Variants in DEK observed in about 807,000 individuals in gnomAD.
The protein encoded by DEK is DEK proto-oncogene, also known as protein DEK.
A neutral mutation model predicts 46.8 loss-of-function variants in DEK; 28 were observed. The ratio of observed to expected loss-of-function variants is 0.60; its 90% CI spans 0.44 to 0.82. The LOEUF is 0.82. DEK is among the 40% of genes least tolerant of loss of function. The pLI, the probability that DEK is intolerant of heterozygous loss-of-function variation, is 0.00. For missense variants in DEK, 416 were observed against 430.6 expected (o/e 0.97, Z 0.30); for synonymous variants, 160 against 144.5 (o/e 1.11, Z -0.77).
At chr6:18,243,110 G>A (rs1223303118) in intron 7 of DEK, among the ~76,000 whole-genome samples, 2 of 152,140 alleles carry the variant, frequency 1.3e-5, no homozygotes, top group Non-Finnish European at 2.9e-5. Context: ...GGTGACTACT[G>A]TGAAGAGAAA....
chr6:18,241,416 T>C (rs973635547), intron 7 of DEK, among the ~76,000 whole-genome samples: 2 of 152,206 alleles, frequency 1.3e-5, no homozygotes, highest in African/African-American at 4.8e-5. Flanking sequence ...ACCCCACTCA[T>C]GATTCTAAAC....
At chr6:18,227,057 T>C (rs1274094613) in intron 9 of DEK, among the ~76,000 whole-genome samples, 3 of 152,156 alleles carry the variant, frequency 2.0e-5, no homozygotes, top group Non-Finnish European at 4.4e-5. Flanking sequence ...GACCTCTGCC[T>C]AGGAAAGCCA....
Position 18,258,392 on chromosome 6 carries a change from G to A in DEK, c.159C>T (p.Ile53=), listed in dbSNP as rs1179582198. 1.9e-6 allele frequency: 3 copies of A among 1,610,658 alleles called. No homozygotes were observed. The highest frequency in any genetic ancestry group is 2.5e-6 in the Non-Finnish European group (3 of 1,177,998). The stretch of plus-strand genomic sequence containing the variant: ...TTTTCTTTTCCCTCTTGCCTTCCAC[G>A]ATGAGACTCTTTTCTAGAAATTAAT... ...EEEEEKEKSL[I]VEGKREKKKV... The change falls in exon 3 of 11, where the codon ATC becomes ATT. Residue 53 remains isoleucine (I), a synonymous_variant. Coordinates refer to ENST00000652689, the MANE Select transcript of DEK (RefSeq NM_003472.4).
intron 2 of DEK, among the ~76,000 whole-genome samples, chr6:18,263,500 A>C (rs1309867881): frequency 6.6e-6 from 1 of 152,166 alleles, no homozygotes; most frequent in Non-Finnish European, 1.5e-5. Context: ...TAGCAACTTC[A>C]AAGGTGCACA....
At position 18,236,541 on chromosome 6, in the gene DEK, G is replaced by C; in HGVS notation, c.958C>G (p.Pro320Ala). 6.3e-7 allele frequency: 1 copy of C among 1,590,718 alleles called. No homozygotes were observed. The highest frequency in any genetic ancestry group is 8.5e-7 in the Non-Finnish European group (1 of 1,173,040). ...EPLIKKLKKP[P>A]TDEELKETIK... ...GTTTCCTTTAACTCTTCATCTGTAG[G>C]GGGTTTCTTCAACTTTTTAATTAAA... Residue 320 changes from proline to alanine, a missense_variant, in exon 9 of 11, where the codon CCT (proline) becomes GCT (alanine). Physicochemically the swap from Pro to Ala is conservative, Grantham distance 27 (BLOSUM62 -1). Transcript: ENST00000652689.
Position 18,257,979 on chromosome 6 carries a change from T to G in DEK, c.331A>C (p.Lys111Gln), listed in dbSNP as rs758091579. ...KKTDELRNLH[K>Q]LLYNRPGTVS... ...GTGCCTGGCCTGTTGTAAAGCAGTTTGTGTAGATTTCTAAGTTCATCGGTT... is the reference window on the plus strand; with the variant it reads ...GTGCCTGGCCTGTTGTAAAGCAGTTGGTGTAGATTTCTAAGTTCATCGGTT... Residue 111 changes from lysine to glutamine, a missense_variant, in exon 4 of 11, where the codon AAA becomes CAA. By Grantham distance (53) the Lys-to-Gln change is moderately conservative (BLOSUM62 1). Coordinates refer to ENST00000652689, the MANE Select transcript of DEK (RefSeq NM_003472.4). 1 of 1,610,018 alleles carries G rather than the reference T, an allele frequency of 6.2e-7. No homozygotes were observed. The highest frequency in any genetic ancestry group is 8.5e-7 in the Non-Finnish European group (1 of 1,178,814).
At chr6:18,242,278 G>A (rs533530665) in intron 7 of DEK, among the ~76,000 whole-genome samples, 38 of 152,312 alleles carry the variant, frequency 2.5e-4, no homozygotes, top group African/African-American at 8.4e-4. Flanking sequence ...CACGAGAATT[G>A]CTGAACCTGG....
At chr6:18,247,462 A>T (rs1791170916) in intron 7 of DEK, among the ~76,000 whole-genome samples, 1 of 152,164 alleles carries the variant, frequency 6.6e-6, no homozygotes, top group East Asian at 1.9e-4. Flanking sequence ...ATTTTCATCA[A>T]TTGACCTGGG....
At chr6:18,232,132 G>A (rs967852205) in intron 9 of DEK, among the ~76,000 whole-genome samples, 3 of 152,180 alleles carry the variant, frequency 2.0e-5, no homozygotes, top group Non-Finnish European at 4.4e-5. Context: ...TATCTCAATA[G>A]ATACAGAAAA....
chr6:18,264,166 T>TCCGCCG (rs1320489913), intron 1 of DEK, 170 bp from the exon 2 acceptor site: 1 of 501,902 alleles, frequency 2.0e-6, no homozygotes, highest in African/African-American at 2.0e-5. Flanking sequence ...TCCCTCCCGC[T>TCCGCCG]CCGCCGCCGC....
chr6:18,230,112 C>A (rs899745727), intron 9 of DEK, among the ~76,000 whole-genome samples: 1 of 152,180 alleles, frequency 6.6e-6, no homozygotes, highest in Admixed American at 6.5e-5. Flanking sequence ...CCCAGAATTT[C>A]ATATCCAGCT....
chr6:18,237,230 AT>A, intron 8 of DEK, 150 bp downstream of exon 8: 1 of 864,386 alleles, frequency 1.2e-6, no homozygotes, highest in Non-Finnish European at 1.6e-6. Context: ...TGTCCCAAGC[AT>A]TTCAGATAAG....
chr6:18,232,952 T>C (rs985448977), intron 9 of DEK, among the ~76,000 whole-genome samples: 1 of 152,190 alleles, frequency 6.6e-6, no homozygotes, highest in Non-Finnish European at 1.5e-5. Context: ...CAAACTATAC[T>C]ATAAGGCTAC....
At chr6:18,260,371 G>C (rs928422951) in intron 2 of DEK, among the ~76,000 whole-genome samples, 2 of 152,154 alleles carry the variant, frequency 1.3e-5, no homozygotes, top group African/African-American at 4.8e-5. Context: ...GATATGGAGA[G>C]CCAACAGTAT....
rs748935324 is a variant in DEK at position 18,256,374 on chromosome 6, C to T, written c.439G>A (p.Glu147Lys). The T allele has an allele frequency of 1.2e-6, 2 of 1,611,310 alleles. No individual in the cohort carries two copies. Among genetic ancestry groups the T allele is most frequent in the Non-Finnish European group, 1.7e-6 (2 of 1,178,606 alleles). The change falls in exon 5 of 11, where the codon GAA becomes AAA. Residue 147 changes from glutamate to lysine, a missense_variant. By Grantham distance (56) the Glu-to-Lys change is moderately conservative. Transcript: ENST00000652689. The stretch of plus-strand genomic sequence containing the variant: ...AAAATAACTTACTTTTTCAACATTT[C>T]TTCCTTCTTTTTATATTGGACACTT... ...KGSVQYKKKE[E>K]MLKKFRNAML...
intron 9 of DEK, among the ~76,000 whole-genome samples, chr6:18,235,031 T>C (rs1790586874): frequency 6.6e-6 from 1 of 152,226 alleles, no homozygotes; most frequent in Non-Finnish European, 1.5e-5. Context: ...ATCCTTCTAA[T>C]GGACAGAACT....
At chr6:18,262,051 T>C (rs143212969) in intron 2 of DEK, among the ~76,000 whole-genome samples, 67 of 152,216 alleles carry the variant, frequency 4.4e-4, no homozygotes, top group African/African-American at 1.6e-3. Flanking sequence ...TAATCCGTGG[T>C]GGTGAGTGAG....
intron 7 of DEK, among the ~76,000 whole-genome samples, chr6:18,247,353 G>C (rs1791164422): frequency 6.6e-6 from 1 of 152,060 alleles, no homozygotes; most frequent in African/African-American, 2.4e-5. Context: ...AGCAAAGGTA[G>C]CAAAAAAATC....
At chr6:18,235,641 C>T (rs183633307) in intron 9 of DEK, among the ~76,000 whole-genome samples, 464 of 152,274 alleles carry the variant, frequency 3.0e-3, no homozygotes, top group Non-Finnish European at 5.4e-3. Flanking sequence ...TCTGGTTCCA[C>T]CTGTAACATT....
Sources: gnomAD v4.1 joint callset for allele counts (sites outside exome capture counted in the v4.1 genomes callset) on GRCh38, gnomAD v4.1.1 for gene constraint, MANE v1.5 for transcripts, NCBI Gene and HGNC (gene_info 2026-07-23, HGNC 2026-07-21) for gene names.